The following FOXI3 variants were observed in gnomAD, a reference collection of about 807,000 sequenced individuals.
FOXI3 encodes the protein forkhead box protein I3.
In FOXI3, 4 loss-of-function variants were observed where a neutral mutation model predicts 15.6. That is an observed-to-expected ratio of 0.26 (90% confidence interval 0.13 to 0.59). The LOEUF (loss-of-function observed/expected upper bound fraction) is 0.59, where lower values mean the gene tolerates loss of function less well. Ranked by LOEUF, FOXI3 falls within the 20% of genes least tolerant of loss-of-function variation. The pLI, the probability that FOXI3 is intolerant of heterozygous loss-of-function variation, is 0.90. For missense variants in FOXI3, 489 were observed against 548.2 expected (o/e 0.89, Z 1.08); for synonymous variants, 238 against 244.4 (o/e 0.97, Z 0.25).
chr2:88,452,326 TGCGGCGGCG>T lies in FOXI3; in HGVS notation c.201_209del (p.Ala72_Ala74del), dbSNP rs1186422212. ...GAGCGCCCAGGTACGCGGCGGCGGC[TGCGGCGGCG>T]GCGGAGGGCGGGCCTCCCACGCCGG... On this transcript the variant is annotated inframe_deletion, in exon 1 of 2. Coordinates refer to ENST00000428390, the MANE Select transcript of FOXI3 (RefSeq NM_001135649.3). 3.1e-6 allele frequency: 3 copies of T among 980,768 alleles called. No individual in the cohort carries two copies. Among genetic ancestry groups the T allele is most frequent in the Non-Finnish European group, 3.6e-6 (3 of 828,968 alleles). The allele number at this position is 980,768 out of a possible 1,614,324, so 60.8% of individuals were successfully genotyped here.
At position 88,448,229 on chromosome 2, in the gene FOXI3, G is replaced by A; in HGVS notation, c.1241C>T (p.Pro414Leu). The change falls in exon 2 of 2, where the codon CCC becomes CTC. Residue 414 changes from proline (P) to leucine (L), a missense_variant. By Grantham distance (98) the Pro-to-Leu change is moderately conservative (BLOSUM62 -3). Transcript: ENST00000428390. ...GCTCTACACCTCGGAGCCCTCTCGG[G>A]GGTAGATGAGGCTGTTCACCATGCT... ...NFSMVNSLIY[P>L]REGSEV is the part of the protein sequence containing the mutation. 6.4e-7 allele frequency: 1 copy of A among 1,551,540 alleles called. No homozygotes were observed. The highest frequency in any genetic ancestry group is 8.7e-7 in the Non-Finnish European group (1 of 1,146,950).
rs917763633 is a variant in FOXI3 at position 88,452,445 on chromosome 2, G to C, written c.91C>G (p.Pro31Ala). ...AGCCCGTAAGGCGCCCTGGCTGCCG[G>C]GGGGGCGCCCGGGGCGGCGGCGGTG... Reference protein sequence around the residue: ...AATAAAPGAPPAARAPYGLAD... With the variant: ...AATAAAPGAPAAARAPYGLAD... Residue 31 changes from proline (P) to alanine (A), a missense_variant, in exon 1 of 2, where the codon CCG becomes GCG. Coordinates refer to ENST00000428390, the MANE Select transcript of FOXI3 (RefSeq NM_001135649.3). 1.9e-6 allele frequency: 2 copies of C among 1,047,650 alleles called. No homozygotes were observed. Among genetic ancestry groups the C allele is most frequent in the African/African-American group, 1.7e-5 (1 of 57,714 alleles). 64.9% of individuals were successfully genotyped at this position (1,047,650 alleles called of 1,614,324 possible). A position where few individuals can be genotyped will look rare whatever the true frequency, so the allele number is the denominator to read the frequency against.
At chr2:88,451,718 T>C (rs1676049893) in intron 1 of FOXI3, among the ~76,000 whole-genome samples, 178 bp downstream of exon 1, 1 of 152,204 alleles carries the variant, frequency 6.6e-6, no homozygotes. Context: ...CTTCCGAAGA[T>C]CTCCTGCTCC....
At chr2:88,448,888 C>A in intron 1 of FOXI3, 59 bp from the exon 2 acceptor site, 1 of 1,480,720 alleles carries the variant, frequency 6.8e-7, no homozygotes, top group Admixed American at 2.4e-5. Flanking sequence ...GTGTACTCAG[C>A]TTCATTTCTG....
At position 88,448,361 on chromosome 2, in the gene FOXI3, T is replaced by C. The variant is rs1675979831; in HGVS notation, c.1109A>G (p.Asn370Ser). The C allele has an allele frequency of 6.4e-7, 1 of 1,551,644 alleles. No homozygotes were observed. The highest frequency in any genetic ancestry group is 8.7e-7 in the Non-Finnish European group (1 of 1,146,972). The change falls in exon 2 of 2, where the codon AAT (asparagine) becomes AGT (serine). Residue 370 changes from asparagine to serine, a missense_variant. By Grantham distance (46) the Asn-to-Ser change is conservative. Coordinates refer to ENST00000428390, the MANE Select transcript of FOXI3 (RefSeq NM_001135649.3). ...EASADTLQLSNSTSNSTGQRS... is the reference protein window; with the variant it reads ...EASADTLQLSSSTSNSTGQRS... ...CTGGCCGGTGCTATTGCTGGTGCTA[T>C]TGCTCAGTTGCAAGGTGTCTGCTGA...
rs1351752819 is a variant in FOXI3 at position 88,451,900 on chromosome 2, G to C, written c.636C>G (p.Asp212Glu). The C allele has an allele frequency of 2.0e-5, 32 of 1,612,926 alleles. No individual in the cohort carries two copies. The highest frequency in any genetic ancestry group is 2.5e-5 in the Non-Finnish European group (30 of 1,179,584). Residue 212 changes from aspartate to glutamate, a missense_variant, in exon 1 of 2, where the codon GAC becomes GAG. Physicochemically the swap from Asp to Glu is conservative, Grantham distance 45 (BLOSUM62 2). Coordinates refer to ENST00000428390, the MANE Select transcript of FOXI3 (RefSeq NM_001135649.3). Reference protein sequence around the residue: ...CFKKVPRDEDDPGKGNYWTLD... With the variant: ...CFKKVPRDEDEPGKGNYWTLD... ...GCACCTGCCAGCGGCCCTCACCTGG[G>C]TCGTCCTCGTCGCGGGGCACCTTCT...
chr2:88,451,699 T>A (rs1676048869), intron 1 of FOXI3, among the ~76,000 whole-genome samples, 197 bp downstream of exon 1: 1 of 152,240 alleles, frequency 6.6e-6, no homozygotes, highest in Non-Finnish European at 1.5e-5. Context: ...CCTTTCTCAC[T>A]GAGTCTTCCT....
At chr2:88,451,579 C>A (rs1325180688) in intron 1 of FOXI3, among the ~76,000 whole-genome samples, 1 of 152,208 alleles carries the variant, frequency 6.6e-6, no homozygotes, top group Non-Finnish European at 1.5e-5. Context: ...ACCCTCCCTT[C>A]AAAAGGCCTA....
rs938731987 is a variant in FOXI3 at position 88,451,986 on chromosome 2, G to T, written c.550C>A (p.Arg184Ser). 2 of 1,612,366 alleles carry T rather than the reference G, an allele frequency of 1.2e-6. No homozygotes were observed. Among genetic ancestry groups the T allele is most frequent in the African/African-American group, 2.7e-5 (2 of 75,000 alleles). ...GAGTTCTGCCAGCCGGCCTTGCTGCGCTGGTAGAAGGGGAAGCTATCGGCG... is the reference window on the plus strand; with the variant it reads ...GAGTTCTGCCAGCCGGCCTTGCTGCTCTGGTAGAAGGGGAAGCTATCGGCG... ...FVADSFPFYQ[R>S]SKAGWQNSIR... Residue 184 changes from arginine (R) to serine (S), a missense_variant, in exon 1 of 2, where the codon CGC becomes AGC. Physicochemically the swap from Arg to Ser is moderately radical, Grantham distance 110. Transcript: ENST00000428390.
chr2:88,447,935 C>T lies in FOXI3; in HGVS notation c.*272G>A, dbSNP rs1675965688. 2.0e-6 allele frequency: 1 copy of T among 507,868 alleles called. No homozygotes were observed. The highest frequency in any genetic ancestry group is 3.5e-6 in the Non-Finnish European group (1 of 282,346). 31.5% of individuals were successfully genotyped at this position (507,868 alleles called of 1,614,324 possible). A position where few individuals can be genotyped will look rare whatever the true frequency, so the allele number is the denominator to read the frequency against. On this transcript the variant is annotated 3_prime_UTR_variant, in exon 2 of 2. Coordinates refer to ENST00000428390, the MANE Select transcript of FOXI3 (RefSeq NM_001135649.3). ...ACATGGTCCCCGCCCTCACGGGGCT[C>T]ACAGGCTACCTATCACAGAAGACAG...
Position 88,447,940 on chromosome 2 carries a change from G to C in FOXI3, c.*267C>G. The C allele has an allele frequency of 1.9e-6, 1 of 514,514 alleles. No individual in the cohort carries two copies. The highest frequency in any genetic ancestry group is 3.5e-6 in the Non-Finnish European group (1 of 286,560). 31.9% of individuals were successfully genotyped at this position (514,514 alleles called of 1,614,324 possible). On this transcript the variant is annotated 3_prime_UTR_variant, in exon 2 of 2. Coordinates refer to ENST00000428390, the MANE Select transcript of FOXI3 (RefSeq NM_001135649.3). ...GTCCCCGCCCTCACGGGGCTCACAG[G>C]CTACCTATCACAGAAGACAGTGAAA...
rs1407669835 is a variant in FOXI3, at chr2:88,452,298, G to A, written c.238C>T (p.Pro80Ser). Residue 80 changes from proline (P) to serine (S), a missense_variant, in exon 1 of 2, where the codon CCG becomes TCG. Pro to Ser is a moderately conservative substitution (Grantham distance 74). Coordinates refer to ENST00000428390, the MANE Select transcript of FOXI3 (RefSeq NM_001135649.3). ...AAAAAYLGAP[P>S]PPPPPGAAAG... Reference sequence around the variant, plus strand: ...GCGGCCCCGGGGGGCGGCGGCGGCGGCGGAGCGCCCAGGTACGCGGCGGCG... The same window carrying A: ...GCGGCCCCGGGGGGCGGCGGCGGCGACGGAGCGCCCAGGTACGCGGCGGCG... 2.0e-6 allele frequency: 2 copies of A among 981,906 alleles called. No homozygotes were observed. Among genetic ancestry groups the A allele is most frequent in the East Asian group, 1.1e-4 (1 of 8,718 alleles). 60.8% of individuals were successfully genotyped at this position (981,906 alleles called of 1,614,324 possible). A position where few individuals can be genotyped will look rare whatever the true frequency, so the allele number is the denominator to read the frequency against.
At position 88,452,332 on chromosome 2, in the gene FOXI3, G is replaced by A. The variant is rs1373452514; in HGVS notation, c.204C>T (p.Ala68=). Residue 68 remains alanine (A), a synonymous_variant, in exon 1 of 2, where the codon GCC becomes GCT. Coordinates refer to ENST00000428390, the MANE Select transcript of FOXI3 (RefSeq NM_001135649.3). ...CCAGGTACGCGGCGGCGGCTGCGGC[G>A]GCGGCGGAGGGCGGGCCTCCCACGC... ...GPGVGGPPSA[A]AAAAAAYLGA... 4.1e-6 allele frequency: 4 copies of A among 982,894 alleles called. No homozygotes were observed. The highest frequency in any genetic ancestry group is 3.6e-6 in the Non-Finnish European group (3 of 829,732). 60.9% of individuals were successfully genotyped at this position (982,894 alleles called of 1,614,324 possible). A position where few individuals can be genotyped will look rare whatever the true frequency, so the allele number is the denominator to read the frequency against.
At position 88,448,016 on chromosome 2, in the gene FOXI3, C is replaced by T. The variant is rs1675967169; in HGVS notation, c.*191G>A. 1.7e-6 allele frequency: 1 copy of T among 598,776 alleles called. No homozygotes were observed. The highest frequency in any genetic ancestry group is 2.9e-6 in the Non-Finnish European group (1 of 341,378). 37.1% of individuals were successfully genotyped at this position (598,776 alleles called of 1,614,324 possible). A position where few individuals can be genotyped will look rare whatever the true frequency, so the allele number is the denominator to read the frequency against. On this transcript the variant is annotated 3_prime_UTR_variant, in exon 2 of 2. Coordinates refer to ENST00000428390, the MANE Select transcript of FOXI3 (RefSeq NM_001135649.3). ...ATGCAGAGAAACCTGTAAAAGCTCGCTGGGTTGTAGCAAGAGTTATCTACT... is the reference window on the plus strand; with the variant it reads ...ATGCAGAGAAACCTGTAAAAGCTCGTTGGGTTGTAGCAAGAGTTATCTACT...
chr2:88,450,052 T>C (rs1422601096), intron 1 of FOXI3, among the ~76,000 whole-genome samples: 1 of 152,146 alleles, frequency 6.6e-6, no homozygotes, highest in Admixed American at 6.6e-5. Context: ...ACTGCAGCCT[T>C]GACCTCCTGG....
At chr2:88,449,873 G>GGAATATGACA (rs1676012377) in intron 1 of FOXI3, among the ~76,000 whole-genome samples, 1 of 152,162 alleles carries the variant, frequency 6.6e-6, no homozygotes, top group Admixed American at 6.6e-5. Context: ...CTGGGGTGCA[G>GGAATATGACA]ACTGGTTAGT....
chr2:88,451,546 T>G (rs1441763755), intron 1 of FOXI3, among the ~76,000 whole-genome samples: 1 of 152,208 alleles, frequency 6.6e-6, no homozygotes, highest in African/African-American at 2.4e-5. Flanking sequence ...CCATCCCTTA[T>G]CTGAGAGCTC....
chr2:88,451,478 C>G (rs1676041409), intron 1 of FOXI3, among the ~76,000 whole-genome samples: 1 of 152,136 alleles, frequency 6.6e-6, no homozygotes. Context: ...CCCAGTTCTC[C>G]CACCGCGTCT....
intron 1 of FOXI3, among the ~76,000 whole-genome samples, chr2:88,450,512 G>A (rs193152737): frequency 2.0e-5 from 3 of 151,508 alleles, no homozygotes; most frequent in Admixed American, 2.0e-4. Context: ...ATAGTTATAG[G>A]GAAAAAAATT....
Sources: allele counts gnomAD v4.1 joint callset (sites outside exome capture counted in the v4.1 genomes callset), GRCh38; gene constraint gnomAD v4.1.1; transcripts MANE v1.5; gene names NCBI Gene and HGNC (gene_info 2026-07-23, HGNC 2026-07-21).